DLGAP1: variants seen among roughly 807,000 people sequenced by gnomAD.
The protein encoded by DLGAP1 is DLG associated protein 1.
In DLGAP1, 11 loss-of-function variants were observed where a neutral mutation model predicts 90.8. That is an observed-to-expected ratio of 0.12 (90% confidence interval 0.08 to 0.20). DLGAP1 has a LOEUF of 0.20. DLGAP1 is among the 10% of genes least tolerant of loss of function. The pLI is 1.00. For synonymous variants in DLGAP1, 558 were observed against 540.7 expected, an observed-to-expected ratio of 1.03 and a Z score of -0.44; for missense variants, 1,050 against 1,333.8, an observed-to-expected ratio of 0.79 and a Z score of 3.31.
chr18:3,805,117 C>T (rs4798121), intron 5 of DLGAP1, among the ~76,000 whole-genome samples: 7 of 152,266 alleles, frequency 4.6e-5, no homozygotes, highest in Non-Finnish European at 7.4e-5. Flanking sequence ...ATAATGATGG[C>T]GATAGCTAAC....
chr18:3,615,861 G>A (rs2057841131), intron 7 of DLGAP1, among the ~76,000 whole-genome samples: 1 of 152,100 alleles, frequency 6.6e-6, no homozygotes, highest in Non-Finnish European at 1.5e-5. Context: ...CATTTTAGCA[G>A]GAATTTTTGC....
At chr18:4,150,725 C>T (rs765969153) in intron 2 of DLGAP1, among the ~76,000 whole-genome samples, 9 of 152,252 alleles carry the variant, frequency 5.9e-5, no homozygotes, top group African/African-American at 9.6e-5. Context: ...TGAGCCACCA[C>T]GCCCTGCCTT....
chr18:3,947,048 G>A lies in DLGAP1; in HGVS notation c.-73+58068C>T, dbSNP rs576041596. On this transcript the variant is annotated intron_variant, in intron 3 of 12. Transcript: ENST00000315677. ...CAACAGTAATGAAGGCAGCTAGAGAGGAGAGAGACGTCTTGACTTTCCCAA... is the reference window on the plus strand; with the variant it reads ...CAACAGTAATGAAGGCAGCTAGAGAAGAGAGAGACGTCTTGACTTTCCCAA... 2.0e-5 allele frequency among the ~76,000 whole-genome samples: 3 copies of A among 152,226 alleles called. No individual in the cohort carries two copies. In the South Asian group the frequency reaches 6.2e-4, roughly 32 times the overall value.
intron 1 of DLGAP1, among the ~76,000 whole-genome samples, chr18:4,259,244 G>C (rs1334555436): frequency 6.6e-6 from 1 of 152,158 alleles, no homozygotes; most frequent in Non-Finnish European, 1.5e-5. Context: ...GAGAAGAAAG[G>C]GAATCTGAGA....
chr18:3,651,472 C>T (rs1455872823), intron 7 of DLGAP1, among the ~76,000 whole-genome samples: 7 of 152,136 alleles, frequency 4.6e-5, no homozygotes, highest in African/African-American at 7.2e-5. Flanking sequence ...TACCTTGACA[C>T]GCTGAGCACA....
intron 3 of DLGAP1, among the ~76,000 whole-genome samples, chr18:3,917,134 T>G (rs895279473): frequency 5.3e-5 from 8 of 152,240 alleles, no homozygotes; most frequent in Non-Finnish European, 8.8e-5. Flanking sequence ...TTAAGTAGGT[T>G]AGGTGAAGGC....
At chr18:3,803,620 G>A (rs2066417503) in intron 5 of DLGAP1, among the ~76,000 whole-genome samples, 1 of 152,072 alleles carries the variant, frequency 6.6e-6, no homozygotes. Flanking sequence ...TACAGATGGT[G>A]GAAACAGTCT....
chr18:3,780,573 G>A (rs1246687900), intron 5 of DLGAP1, among the ~76,000 whole-genome samples: 4 of 152,122 alleles, frequency 2.6e-5, no homozygotes, highest in African/African-American at 9.7e-5. Context: ...GTGTAAGGCT[G>A]CTTGTGATTA....
intron 7 of DLGAP1, among the ~76,000 whole-genome samples, chr18:3,689,096 C>T (rs2060807046): frequency 1.3e-5 from 2 of 152,170 alleles, no homozygotes; most frequent in African/African-American, 4.8e-5. Context: ...TTTTTGCACA[C>T]TAAAGCACTG....
chr18:3,597,004 C>G (rs1265614499), intron 7 of DLGAP1: 1 of 520,078 alleles, frequency 1.9e-6, no homozygotes, highest in South Asian at 1.4e-5. Context: ...CACAGGCTCT[C>G]GGCAAAGGAC....
intron 1 of DLGAP1, among the ~76,000 whole-genome samples, chr18:4,402,487 C>T (rs2144538136): frequency 6.6e-6 from 1 of 152,206 alleles, no homozygotes; most frequent in Middle Eastern, 3.4e-3. Flanking sequence ...TTCAAGAAAA[C>T]TATGGGAAGC....
chr18:4,138,290 C>A (rs1239392182), intron 2 of DLGAP1, among the ~76,000 whole-genome samples: 1 of 151,102 alleles, frequency 6.6e-6, no homozygotes, highest in African/African-American at 2.4e-5. Flanking sequence ...TCCTTCTACA[C>A]CCACTTTTTT....
At chr18:3,915,044 T>A (rs58921854) in intron 3 of DLGAP1, among the ~76,000 whole-genome samples, 31,855 of 152,158 alleles carry the variant, frequency 0.21, 3,763 homozygotes, top group African/African-American at 0.32. Flanking sequence ...CATTCAGCTG[T>A]TAATAGCCAT....
intron 1 of DLGAP1, among the ~76,000 whole-genome samples, chr18:4,420,229 G>GT (rs2082997782): frequency 6.6e-6 from 1 of 152,176 alleles, no homozygotes; most frequent in Non-Finnish European, 1.5e-5. Flanking sequence ...TGCATTTATA[G>GT]TTAGAGACTT....
chr18:3,501,339 C>A (rs1036708623), intron 12 of DLGAP1, among the ~76,000 whole-genome samples: 1 of 151,934 alleles, frequency 6.6e-6, no homozygotes, highest in African/African-American at 2.4e-5. Flanking sequence ...GCTTATCTAG[C>A]AGATAGTTTT....
intron 1 of DLGAP1, among the ~76,000 whole-genome samples, chr18:4,154,879 A>G (rs1032150350): frequency 6.6e-6 from 1 of 152,220 alleles, no homozygotes; most frequent in Non-Finnish European, 1.5e-5. Flanking sequence ...AGCACTATCT[A>G]GGGGATGAGA....
chr18:4,174,954 G>A (rs2077082998), intron 1 of DLGAP1, among the ~76,000 whole-genome samples: 1 of 152,058 alleles, frequency 6.6e-6, no homozygotes, highest in Non-Finnish European at 1.5e-5. Flanking sequence ...TTTTTTTATG[G>A]CTCTGTAGTT....
chr18:3,981,123 T>A (rs184455788), intron 3 of DLGAP1, among the ~76,000 whole-genome samples: 133 of 152,326 alleles, frequency 8.7e-4, no homozygotes, highest in African/African-American at 3.1e-3. Context: ...GTAGGATTGT[T>A]TGTCTCCAAA....
chr18:4,344,206 A>G (rs2081260821), intron 1 of DLGAP1, among the ~76,000 whole-genome samples: 1 of 152,172 alleles, frequency 6.6e-6, no homozygotes, highest in Non-Finnish European at 1.5e-5. Flanking sequence ...GCTAACATGT[A>G]TTGGGTACTT....
Sources: allele counts gnomAD v4.1 joint callset (sites outside exome capture counted in the v4.1 genomes callset), GRCh38; gene constraint gnomAD v4.1.1; transcripts MANE v1.5; gene names NCBI Gene and HGNC (gene_info 2026-07-23, HGNC 2026-07-21).